ANKS1B: variants seen among roughly 807,000 people sequenced by gnomAD.
ANKS1B encodes ankyrin repeat and sterile alpha motif domain-containing protein 1B.
Under a neutral mutation model 148.3 loss-of-function variants are expected in ANKS1B, and 36 were observed. The observed-to-expected ratio is 0.24, with a 90% CI of 0.19 to 0.32. The LOEUF (loss-of-function observed/expected upper bound fraction) is 0.32, where lower values mean the gene tolerates loss of function less well. ANKS1B is among the 10% of genes least tolerant of loss of function. The probability of loss-of-function intolerance (pLI) is 1.00; values close to 1 mark genes in which losing one functional copy is unlikely to be tolerated. For synonymous variants in ANKS1B, 542 were observed against 560.8 expected, an observed-to-expected ratio of 0.97 and a Z score of 0.47; for missense variants, 1,157 against 1,542.6, an observed-to-expected ratio of 0.75 and a Z score of 4.19.
chr12:99,698,447 A>G (rs979131790), intron 8 of ANKS1B, among the ~76,000 whole-genome samples: 1 of 152,088 alleles, frequency 6.6e-6, no homozygotes, highest in South Asian at 2.1e-4. Flanking sequence ...AAAAATGAGT[A>G]AATAGGCGGT....
At chr12:99,322,980 G>A (rs1284896737) in intron 12 of ANKS1B, among the ~76,000 whole-genome samples, 2 of 152,048 alleles carry the variant, frequency 1.3e-5, no homozygotes, top group Middle Eastern at 3.2e-3. Context: ...GAGGCCCCCT[G>A]GTCATGTGGA....
Position 99,918,251 on chromosome 12 carries a change from T to C in ANKS1B, c.134+65853A>G, listed in dbSNP as rs181554354. Among the ~76,000 whole-genome samples the C allele has an allele frequency of 2.6e-4, 40 of 152,306 alleles. No individual in the cohort carries two copies. In the East Asian group the frequency reaches 7.7e-3, roughly 29 times the overall value. On this transcript the variant is annotated intron_variant, in intron 1 of 26. Coordinates refer to ENST00000683438, the MANE Select transcript of ANKS1B (RefSeq NM_001352186.2). ...TGGGAACTAAGGGGTAGAAGTAGAA[T>C]TGGCAGCACTCACCACTTAACCCAC... is the stretch of plus-strand genomic sequence containing the variant.
intron 14 of ANKS1B, among the ~76,000 whole-genome samples, chr12:99,158,790 T>A (rs770700258): frequency 7.9e-5 from 12 of 152,208 alleles, no homozygotes; most frequent in Admixed American, 2.6e-4. Flanking sequence ...TCTCCATAGA[T>A]GCTCCACTTT....
intron 17 of ANKS1B, among the ~76,000 whole-genome samples, chr12:98,857,486 T>G (rs17227744): frequency 0.15 from 23,250 of 150,152 alleles, 2,121 homozygotes; most frequent in Admixed American, 0.22. Context: ...GTTATTGGCT[T>G]TGGAGATAAA....
chr12:99,681,167 G>T (rs751394714), intron 8 of ANKS1B, among the ~76,000 whole-genome samples: 44 of 152,210 alleles, frequency 2.9e-4, no homozygotes, highest in Non-Finnish European at 5.0e-4. Context: ...AAGCAAGCTT[G>T]TATACCCCTA....
chr12:98,816,104 G>A (rs2099137712), intron 19 of ANKS1B, among the ~76,000 whole-genome samples: 1 of 152,018 alleles, frequency 6.6e-6, no homozygotes, highest in Non-Finnish European at 1.5e-5. Context: ...CATAGCCTCT[G>A]CATTTGCTTC....
chr12:99,180,267 A>C (rs1426030778), intron 14 of ANKS1B, among the ~76,000 whole-genome samples: 1 of 152,160 alleles, frequency 6.6e-6, no homozygotes, highest in Non-Finnish European at 1.5e-5. Context: ...ATACTGTTAA[A>C]AATGTACATA....
At position 99,968,016 on chromosome 12, in the gene ANKS1B, A is replaced by C. The variant is rs1361305363; in HGVS notation, c.134+16088T>G. ...TATTGGTACAGGATAAAACTAAATTATGAGACTTCTGAGTTTGGGGTAGAA... is the reference window on the plus strand; with the variant it reads ...TATTGGTACAGGATAAAACTAAATTCTGAGACTTCTGAGTTTGGGGTAGAA... On this transcript the variant is annotated intron_variant, in intron 1 of 26. Coordinates refer to ENST00000683438, the MANE Select transcript of ANKS1B (RefSeq NM_001352186.2). Among the ~76,000 whole-genome samples the C allele has an allele frequency of 2.0e-5, 3 of 152,280 alleles. 1 individual carries two copies. The highest frequency in any genetic ancestry group is 4.1e-4 in the South Asian group (2 of 4,824).
intron 12 of ANKS1B, among the ~76,000 whole-genome samples, chr12:99,386,999 G>T (rs1170724658): frequency 6.6e-6 from 1 of 152,234 alleles, no homozygotes; most frequent in African/African-American, 2.4e-5. Flanking sequence ...TATAAGGTCA[G>T]TCATCATGCT....
chr12:99,159,219 T>C (rs2076388016), intron 14 of ANKS1B, among the ~76,000 whole-genome samples: 1 of 152,140 alleles, frequency 6.6e-6, no homozygotes, highest in Non-Finnish European at 1.5e-5. Flanking sequence ...GTTGACTTAT[T>C]TGTTTGTTTT....
intron 20 of ANKS1B, among the ~76,000 whole-genome samples, chr12:98,805,371 C>G (rs2099042894): frequency 6.6e-6 from 1 of 151,588 alleles, no homozygotes; most frequent in Non-Finnish European, 1.5e-5. Flanking sequence ...ATCATTAGCT[C>G]TCTTCTTCAA....
chr12:99,008,776 A>G (rs1435192180), intron 17 of ANKS1B, among the ~76,000 whole-genome samples: 1 of 152,210 alleles, frequency 6.6e-6, no homozygotes, highest in African/African-American at 2.4e-5. Context: ...ATGCTGCAAG[A>G]TCTCACGGAG....
chr12:99,020,780 T>C (rs2099945343), intron 17 of ANKS1B, among the ~76,000 whole-genome samples: 1 of 152,164 alleles, frequency 6.6e-6, no homozygotes, highest in African/African-American at 2.4e-5. Context: ...AGATTTGTTC[T>C]TGTTAATTAG....
At chr12:99,534,027 T>C (rs2097032970) in intron 9 of ANKS1B, among the ~76,000 whole-genome samples, 1 of 152,180 alleles carries the variant, frequency 6.6e-6, no homozygotes, top group African/African-American at 2.4e-5. Flanking sequence ...ACCCTCTTTG[T>C]AGTCATTTAC....
Position 99,068,840 on chromosome 12 carries a change from A to G in ANKS1B, c.2626-15531T>C, listed in dbSNP as rs550890195. On this transcript the variant is annotated intron_variant, in intron 16 of 26. Coordinates refer to ENST00000683438, the MANE Select transcript of ANKS1B (RefSeq NM_001352186.2). ...TCCTCTGTCTGAAGTGACTCCTTCAATGTCCTAGTTGGCTAAAAACACCTG... is the reference window on the plus strand; with the variant it reads ...TCCTCTGTCTGAAGTGACTCCTTCAGTGTCCTAGTTGGCTAAAAACACCTG... Among the ~76,000 whole-genome samples the G allele has an allele frequency of 5.3e-5, 8 of 152,198 alleles. No individual in the cohort carries two copies. In the East Asian group the frequency reaches 1.5e-3, roughly 29 times the overall value.
chr12:99,795,195 T>A (rs977572621), intron 4 of ANKS1B, among the ~76,000 whole-genome samples: 11 of 151,646 alleles, frequency 7.3e-5, no homozygotes, highest in African/African-American at 2.7e-4. Flanking sequence ...GCAAGCAAGA[T>A]AAATGAAAAG....
At chr12:98,943,556 T>C (rs1196700063) in intron 17 of ANKS1B, among the ~76,000 whole-genome samples, 1 of 152,188 alleles carries the variant, frequency 6.6e-6, no homozygotes, top group East Asian at 1.9e-4. Flanking sequence ...GCTTTCATTG[T>C]CTTGTGCCCA....
At chr12:99,115,162 C>T (rs2061087848) in intron 15 of ANKS1B, among the ~76,000 whole-genome samples, 1 of 152,152 alleles carries the variant, frequency 6.6e-6, no homozygotes, top group Non-Finnish European at 1.5e-5. Flanking sequence ...CCCATAAAGA[C>T]ACATGCATGC....
intron 9 of ANKS1B, among the ~76,000 whole-genome samples, chr12:99,614,367 G>A (rs1052745755): frequency 3.3e-5 from 5 of 151,464 alleles, no homozygotes; most frequent in Admixed American, 2.0e-4. Flanking sequence ...TGCAGGAGGC[G>A]GAGGTTGCAG....
Sources: gnomAD v4.1 joint callset for allele counts (sites outside exome capture counted in the v4.1 genomes callset) on GRCh38, gnomAD v4.1.1 for gene constraint, MANE v1.5 for transcripts, NCBI Gene and HGNC (gene_info 2026-07-23, HGNC 2026-07-21) for gene names.